The following CSMD2 variants were observed in gnomAD, a reference collection of about 807,000 sequenced individuals.
CSMD2 encodes the protein CUB and sushi domain-containing protein 2.
In CSMD2, 130 loss-of-function variants were observed where a neutral mutation model predicts 398.5. The ratio of observed to expected loss-of-function variants is 0.33; its 90% CI spans 0.28 to 0.38. CSMD2 has a LOEUF of 0.38. Ranked by LOEUF, CSMD2 falls within the 10% of genes least tolerant of loss-of-function variation. The probability of loss-of-function intolerance (pLI) is 1.00; values close to 1 mark genes in which losing one functional copy is unlikely to be tolerated. For missense variants in CSMD2, 3,829 were observed against 4,764.9 expected, an observed-to-expected ratio of 0.80 and a Z score of 5.78; for synonymous variants, 1,828 against 1,908.5, an observed-to-expected ratio of 0.96 and a Z score of 1.10.
intron 28 of CSMD2, 145 bp downstream of exon 28, chr1:33,652,178 C>G (rs1643791776): frequency 2.6e-6 from 2 of 773,994 alleles, no homozygotes; most frequent in Non-Finnish European, 4.3e-6. Context: ...TCAATAAATG[C>G]TAGTTTCTCT....
At chr1:33,779,089 T>C (rs916885471) in intron 12 of CSMD2, among the ~76,000 whole-genome samples, 8 of 152,086 alleles carry the variant, frequency 5.3e-5, no homozygotes, top group Admixed American at 4.6e-4. Flanking sequence ...CACTCAGAAA[T>C]AAAAATATGA....
chr1:33,677,303 T>C (rs1408747338), intron 25 of CSMD2, among the ~76,000 whole-genome samples: 1 of 152,142 alleles, frequency 6.6e-6, no homozygotes, highest in Non-Finnish European at 1.5e-5. Flanking sequence ...GGGCAACGGA[T>C]ATGAACAGAT....
In CSMD2 at chr1:33,550,211, A is replaced by G. The variant is rs772579406; in HGVS notation, c.8883T>C (p.Asp2961=). The change falls in exon 56 of 71, where the codon GAT becomes GAC. Residue 2961 remains aspartate, a synonymous_variant. Transcript: ENST00000373381. The part of the protein sequence containing the change: ...VGNSTRMCGL[D]GHWTGSLPHC... Reference sequence around the variant, plus strand: ...GAGGGAGGGAGCCAGTCCAGTGTCCATCCAGCCCACACATGCGGGTGCTGT... The same window carrying G: ...GAGGGAGGGAGCCAGTCCAGTGTCCGTCCAGCCCACACATGCGGGTGCTGT... 6.2e-7 allele frequency: 1 copy of G among 1,614,150 alleles called. No homozygotes were observed. The highest frequency in any genetic ancestry group is 1.1e-5 in the South Asian group (1 of 91,078).
At chr1:33,943,867 G>C (rs1352635560) in intron 3 of CSMD2, among the ~76,000 whole-genome samples, 1 of 151,326 alleles carries the variant, frequency 6.6e-6, no homozygotes, top group African/African-American at 2.4e-5. Context: ...GGAATGTGTT[G>C]AGTGAATTAA....
At chr1:33,583,081 G>A (rs892681812) in intron 47 of CSMD2, among the ~76,000 whole-genome samples, 1 of 152,182 alleles carries the variant, frequency 6.6e-6, no homozygotes, top group African/African-American at 2.4e-5. Context: ...TCACTCTATT[G>A]AGGACATCAT....
intron 46 of CSMD2, among the ~76,000 whole-genome samples, chr1:33,584,296 G>A (rs1638923511): frequency 6.6e-6 from 1 of 152,224 alleles, no homozygotes; most frequent in Non-Finnish European, 1.5e-5. Flanking sequence ...TCTTGAACAA[G>A]TTATCTCCTC....
rs1410205754 is a variant in CSMD2 at position 34,163,956 on chromosome 1, C to T, written c.187+955G>A. Among the ~76,000 whole-genome samples, 1 of 152,154 alleles carries T rather than the reference C, an allele frequency of 6.6e-6. No homozygotes were observed. Among genetic ancestry groups the T allele is most frequent in the Admixed American group, 6.5e-5 (1 of 15,290 alleles). ...CCCTCGAAGGTTCGCGTACCTCCCC[C>T]GCGCGCTGCAAGCTGCAGCCAGACA... On this transcript the variant is annotated intron_variant, in intron 1 of 70. Coordinates refer to ENST00000373381, the MANE Select transcript of CSMD2 (RefSeq NM_001281956.2). This position sits in a 1 kb window ranked among gnomAD's most constrained non-coding sequence, Gnocchi z 5.4.
chr1:33,862,313 T>C (rs1039126985), intron 5 of CSMD2: 4 of 141,930 alleles, frequency 2.8e-5, no homozygotes, highest in East Asian at 2.2e-4. Flanking sequence ...ATGAGAGGGA[T>C]GGAAGGTTAA....
chr1:33,815,739 A>G (rs1378147281), intron 9 of CSMD2, among the ~76,000 whole-genome samples: 1 of 152,278 alleles, frequency 6.6e-6, no homozygotes, highest in African/African-American at 2.4e-5. Context: ...TGCCTAGTGC[A>G]ATGCTATATA....
chr1:33,540,334 G>C (rs1006282393), intron 60 of CSMD2, among the ~76,000 whole-genome samples, 191 bp downstream of exon 60: 2 of 151,702 alleles, frequency 1.3e-5, no homozygotes, highest in Non-Finnish European at 2.9e-5. Context: ...CTGACACCAG[G>C]GCTCAATTAA....
intron 27 of CSMD2, among the ~76,000 whole-genome samples, chr1:33,653,133 C>G (rs1256496201): frequency 1.3e-5 from 2 of 152,152 alleles, no homozygotes; most frequent in East Asian, 3.9e-4. Context: ...TCTAGCCTCT[C>G]TAGCCCTCGA....
intron 2 of CSMD2, among the ~76,000 whole-genome samples, chr1:34,067,970 T>C (rs1655298562): frequency 6.6e-6 from 1 of 152,176 alleles, no homozygotes; most frequent in Non-Finnish European, 1.5e-5. Context: ...ACAGCCCCAC[T>C]GTGCAGATGG....
intron 5 of CSMD2, among the ~76,000 whole-genome samples, chr1:33,849,151 T>C (rs1252114085): frequency 2.0e-5 from 3 of 152,312 alleles, no homozygotes; most frequent in East Asian, 3.9e-4. Context: ...CTCAGGGCCC[T>C]GTGTTGCCCA....
At chr1:34,127,763 G>C (rs1278931931) in intron 1 of CSMD2, among the ~76,000 whole-genome samples, 1 of 152,156 alleles carries the variant, frequency 6.6e-6, no homozygotes, top group African/African-American at 2.4e-5. Context: ...CCAGGTGGCA[G>C]GCCCAGAGCT....
At chr1:34,088,848 G>A (rs2148365568) in intron 2 of CSMD2, 129 bp downstream of exon 2, 1 of 756,482 alleles carries the variant, frequency 1.3e-6, no homozygotes. Flanking sequence ...GAGGGGTTGA[G>A]GGAGGACATC....
chr1:34,104,586 A>ACTGCC (rs1660338239), intron 1 of CSMD2, among the ~76,000 whole-genome samples: 1 of 152,174 alleles, frequency 6.6e-6, no homozygotes, highest in Non-Finnish European at 1.5e-5. Context: ...AATTAATGAA[A>ACTGCC]CTGCCCTAAG....
chr1:33,665,592 G>A (rs1394391874), intron 25 of CSMD2, among the ~76,000 whole-genome samples: 1 of 146,806 alleles, frequency 6.8e-6, no homozygotes, highest in African/African-American at 2.5e-5. Flanking sequence ...CACCATGTTT[G>A]ACTAATTTTA....
At chr1:33,897,048 T>G (rs1570433035) in intron 5 of CSMD2, among the ~76,000 whole-genome samples, 2 of 151,462 alleles carry the variant, frequency 1.3e-5, no homozygotes, top group African/African-American at 2.4e-5. Flanking sequence ...TAAAAGAGGG[T>G]ATTCAGGCCA....
chr1:34,055,707 A>G (rs3940540), intron 2 of CSMD2, among the ~76,000 whole-genome samples: 36,551 of 152,122 alleles, frequency 0.24, 4,884 homozygotes, highest in African/African-American at 0.31. Context: ...AGGAACCTCC[A>G]TGTGTTCTGC....
Sources: allele counts gnomAD v4.1 joint callset (sites outside exome capture counted in the v4.1 genomes callset), GRCh38; gene constraint gnomAD v4.1.1; non-coding constraint Gnocchi (gnomAD v3.1); transcripts MANE v1.5; gene names NCBI Gene and HGNC (gene_info 2026-07-23, HGNC 2026-07-21).